TRAPPC10: variants seen among roughly 807,000 people sequenced by gnomAD.
TRAPPC10 encodes trafficking protein particle complex subunit 10, also known as TRAPP 130 kDa subunit.
A neutral mutation model predicts 125.5 loss-of-function variants in TRAPPC10; 23 were observed. The observed-to-expected ratio is 0.18, with a 90% CI of 0.13 to 0.26. The LOEUF is 0.26. Among genes scored for constraint, TRAPPC10 ranks in the 10% least tolerant of loss-of-function variants. The pLI is 1.00. For synonymous variants in TRAPPC10, 509 were observed against 518.0 expected (o/e 0.98, Z 0.24); for missense variants, 1,123 against 1,308.4 (o/e 0.86, Z 2.19).
intron 6 of TRAPPC10, among the ~76,000 whole-genome samples, chr21:44,060,942 A>T (rs950123806): frequency 6.7e-6 from 1 of 148,150 alleles, no homozygotes; most frequent in Non-Finnish European, 1.5e-5. Flanking sequence ...ACACACACAC[A>T]CACACTTTTT....
intron 20 of TRAPPC10, among the ~76,000 whole-genome samples, chr21:44,095,874 A>G (rs2038901040): frequency 6.6e-6 from 1 of 151,298 alleles, no homozygotes; most frequent in Non-Finnish European, 1.5e-5. Context: ...GGCCCAAAGT[A>G]CGGGTTTGTA....
At chr21:44,026,379 G>A (rs560532594) in intron 1 of TRAPPC10, among the ~76,000 whole-genome samples, 55 of 152,114 alleles carry the variant, frequency 3.6e-4, no homozygotes, top group Non-Finnish European at 6.8e-4. Flanking sequence ...ACGAATTATA[G>A]CAAATACTTT....
intron 9 of TRAPPC10, among the ~76,000 whole-genome samples, chr21:44,075,452 C>T (rs949930517): frequency 6.6e-6 from 1 of 151,902 alleles, no homozygotes; most frequent in African/African-American, 2.4e-5. Context: ...CTCTGAATTA[C>T]AGATGATCTG....
chr21:44,057,316 TA>T (rs2035677469), intron 5 of TRAPPC10, among the ~76,000 whole-genome samples: 1 of 152,062 alleles, frequency 6.6e-6, no homozygotes, highest in Non-Finnish European at 1.5e-5. Context: ...TTTTTTTTTT[TA>T]TGATGGAGTC....
At chr21:44,034,715 G>C (rs2033860117) in intron 2 of TRAPPC10, among the ~76,000 whole-genome samples, 1 of 152,212 alleles carries the variant, frequency 6.6e-6, no homozygotes, top group South Asian at 2.1e-4. Flanking sequence ...GGACCTCACT[G>C]TGAGATCCTC....
chr21:44,046,751 T>C, intron 3 of TRAPPC10: 1 of 415,314 alleles, frequency 2.4e-6, no homozygotes, highest in Non-Finnish European at 4.5e-6. Context: ...CAGGCGATCC[T>C]CCTGCCTTAG....
rs373354738 is a variant in TRAPPC10 at position 44,083,239 on chromosome 21, C to T, written c.2175C>T (p.His725=). 18 of 1,613,972 alleles carry T rather than the reference C, an allele frequency of 1.1e-5. No homozygotes were observed. The highest frequency in any genetic ancestry group is 5.0e-5 in the Admixed American group (3 of 60,006). The stretch of plus-strand genomic sequence containing the variant: ...GGGTGGCTCTGGAGGAGGGTGCCCA[C>T]GTGCTGAGGTGCAGCCACGTGACCC... The part of the protein sequence containing the change: ...PSGVALEEGA[H]VLRCSHVTLE... The change falls in exon 14 of 23, where the codon CAC becomes CAT. Residue 725 remains histidine, a synonymous_variant. Transcript: ENST00000291574.
rs775813570 is a variant in TRAPPC10 at position 44,047,529 on chromosome 21, A to AGTGTGTGTGTGT, written c.286-4749_286-4748insGTGTGTGTGTGT. On this transcript the variant is annotated intron_variant, in intron 3 of 22. Coordinates refer to ENST00000291574, the MANE Select transcript of TRAPPC10 (RefSeq NM_003274.5). ...TTTTCTGTTGCACCCTCTCTGGGGG[A>AGTGTGTGTGTGT]GTATGTGTGTGTGTGTGTGTGTGTG... 4.4e-3 allele frequency among the ~76,000 whole-genome samples: 462 copies of AGTGTGTGTGTGT among 104,442 alleles called. 1 individual carries two copies. Among genetic ancestry groups the AGTGTGTGTGTGT allele is most frequent in the East Asian group, 9.3e-3 (31 of 3,344 alleles). The allele number at this position is 104,442 out of a possible 152,430, so 68.5% of individuals were successfully genotyped here. A position where few individuals can be genotyped will look rare whatever the true frequency, so the allele number is the denominator to read the frequency against.
In TRAPPC10 at chr21:44,080,104, C is replaced by T; in HGVS notation, c.1700C>T (p.Ala567Val). The T allele has an allele frequency of 1.2e-6, 2 of 1,614,072 alleles. No homozygotes were observed. The highest frequency in any genetic ancestry group is 1.7e-6 in the Non-Finnish European group (2 of 1,179,982). Residue 567 changes from alanine to valine, a missense_variant, in exon 13 of 23, where the codon GCC becomes GTC. Ala to Val is a moderately conservative substitution (Grantham distance 64). Transcript: ENST00000291574. ...KHFCQEILDF[A>V]SQPSDSPGHK... ...TTCTGCCAGGAGATACTTGACTTTG[C>T]CAGCCAGCCGTCAGACAGCCCAGGT...
intron 19 of TRAPPC10, 32 bp downstream of exon 19, chr21:44,092,081 C>G: frequency 6.2e-7 from 1 of 1,610,886 alleles, no homozygotes; most frequent in South Asian, 1.1e-5. Context: ...GCATAAACTT[C>G]TCAACAGAGA....
chr21:44,070,880 G>A (rs2036817244), intron 7 of TRAPPC10, among the ~76,000 whole-genome samples: 1 of 152,172 alleles, frequency 6.6e-6, no homozygotes, highest in Admixed American at 6.5e-5. Flanking sequence ...TGGCGCACTT[G>A]GGCCTGGGGG....
chr21:44,080,999 ATTG>A lies in TRAPPC10; in HGVS notation c.1723+875_1723+877del, dbSNP rs1322786451. 3.2e-3 allele frequency among the ~76,000 whole-genome samples: 227 copies of A among 70,916 alleles called. 2 individuals are homozygous for A. The highest frequency in any genetic ancestry group is 9.9e-3 in the African/African-American group (211 of 21,220). The allele number at this position is 70,916 out of a possible 152,430, so 46.5% of individuals were successfully genotyped here. A position where few individuals can be genotyped will look rare whatever the true frequency, so the allele number is the denominator to read the frequency against. ...TGCAACCATTACCACAGTCAATATT[ATTG>A]TTCTTTTTTTTTTTCTTTTTTTTTT... On this transcript the variant is annotated intron_variant, in intron 13 of 22. Coordinates refer to ENST00000291574, the MANE Select transcript of TRAPPC10 (RefSeq NM_003274.5).
At position 44,094,786 on chromosome 21, in the gene TRAPPC10, A is replaced by C. The variant is rs374906839; in HGVS notation, c.3168+553A>C. Among the ~76,000 whole-genome samples the C allele has an allele frequency of 2.3e-4, 34 of 150,234 alleles. No homozygotes were observed. In the South Asian group the frequency reaches 4.8e-3, roughly 21 times the overall value. Reference sequence around the variant, plus strand: ...TTCCTTTAGGGAGATGATTTGACTTAATGTTTTGCAATTTTGTGATACTTT... The same window carrying C: ...TTCCTTTAGGGAGATGATTTGACTTCATGTTTTGCAATTTTGTGATACTTT... On this transcript the variant is annotated intron_variant, in intron 20 of 22. Coordinates refer to ENST00000291574, the MANE Select transcript of TRAPPC10 (RefSeq NM_003274.5).
At position 44,087,340 on chromosome 21, in the gene TRAPPC10, C is replaced by T. The variant is rs760989760; in HGVS notation, c.2540-359C>T. On this transcript the variant is annotated intron_variant, in intron 16 of 22. Coordinates refer to ENST00000291574, the MANE Select transcript of TRAPPC10 (RefSeq NM_003274.5). This position sits in a 1 kb window ranked among gnomAD's most constrained non-coding sequence, Gnocchi z 4.6. ...GAGAGCCCTGAGCACTCCCATCCTC[C>T]CAGCCACGAGGAAGGGGAAGGGGAG... 4.8e-4 allele frequency among the ~76,000 whole-genome samples: 73 copies of T among 152,234 alleles called. 1 individual carries two copies. The highest frequency in any genetic ancestry group is 3.4e-4 in the Non-Finnish European group (23 of 68,014).
Position 44,012,492 on chromosome 21 carries a change from C to T in TRAPPC10, c.-2C>T, listed in dbSNP as rs1281668999. The T allele has an allele frequency of 2.0e-6, 3 of 1,516,320 alleles. No homozygotes were observed. The highest frequency in any genetic ancestry group is 2.3e-4 in the Middle Eastern group (1 of 4,272). The allele number at this position is 1,516,320 out of a possible 1,614,324, so 93.9% of individuals were successfully genotyped here. ...GGGCCGGGCCGGTGACGCCGGACGC[C>T]CATGGACGCCTCTGAGGAGCCGCTG... On this transcript the variant is annotated 5_prime_UTR_variant, in exon 1 of 23. Transcript: ENST00000291574.
At chr21:44,078,825 C>T (rs1436746601) in intron 11 of TRAPPC10, among the ~76,000 whole-genome samples, 5 of 152,296 alleles carry the variant, frequency 3.3e-5, no homozygotes, top group African/African-American at 1.2e-4. Flanking sequence ...CACCAGTAGT[C>T]CCAGCTACAG....
intron 13 of TRAPPC10, among the ~76,000 whole-genome samples, chr21:44,080,568 C>T (rs1383301516): frequency 6.6e-6 from 1 of 150,854 alleles, no homozygotes; most frequent in Admixed American, 6.6e-5. Flanking sequence ...GACAGAGTCT[C>T]GCTCTGTTGT....
intron 1 of TRAPPC10, among the ~76,000 whole-genome samples, chr21:44,024,372 TTTC>T (rs2032856548): frequency 6.6e-6 from 1 of 152,186 alleles, no homozygotes. Flanking sequence ...AGAATGAGCA[TTTC>T]TAACAAATGC....
At chr21:44,089,353 A>T (rs2038410883) in intron 17 of TRAPPC10, 2 of 358,210 alleles carry the variant, frequency 5.6e-6, no homozygotes, top group Non-Finnish European at 5.7e-6. Context: ...CCCTAAACTG[A>T]TTTGGTTTTC....
Sources: allele counts gnomAD v4.1 joint callset (sites outside exome capture counted in the v4.1 genomes callset), GRCh38; gene constraint gnomAD v4.1.1; non-coding constraint Gnocchi (gnomAD v3.1); transcripts MANE v1.5; gene names NCBI Gene and HGNC (gene_info 2026-07-23, HGNC 2026-07-21).